Variants in GADL1 observed in about 807,000 individuals in gnomAD.
GADL1 encodes acidic amino acid decarboxylase GADL1.
In GADL1, 71 loss-of-function variants were observed where a neutral mutation model predicts 69.5. The observed-to-expected ratio is 1.02, with a 90% CI of 0.84 to 1.25. The LOEUF (loss-of-function observed/expected upper bound fraction) is 1.25, where lower values mean the gene tolerates loss of function less well. Ranked by LOEUF, GADL1 falls within the 50% of genes most tolerant of loss-of-function variation. GADL1 has a pLI of 0.00. For synonymous variants in GADL1, 254 were observed against 214.4 expected, an observed-to-expected ratio of 1.18 and a Z score of -1.62; for missense variants, 737 against 631.8, an observed-to-expected ratio of 1.17 and a Z score of -1.79.
intron 11 of GADL1, among the ~76,000 whole-genome samples, chr3:30,816,530 CTTTTTTTTTTTTTT>C (rs773530741): frequency 8.7e-3 from 469 of 53,938 alleles, no homozygotes; most frequent in Middle Eastern, 0.036. Flanking sequence ...AATTTGTTTT[CTTTTTTTTTTTTTT>C]TTTTTTTTTT....
At chr3:30,738,374 C>T (rs1464026696) in intron 14 of GADL1, among the ~76,000 whole-genome samples, 1 of 152,056 alleles carries the variant, frequency 6.6e-6, no homozygotes, top group Non-Finnish European at 1.5e-5. Flanking sequence ...ATAAATCTGC[C>T]CAAGGAAGAA....
chr3:30,739,315 T>C (rs1001788687), intron 14 of GADL1, among the ~76,000 whole-genome samples: 2 of 152,154 alleles, frequency 1.3e-5, no homozygotes, highest in Non-Finnish European at 2.9e-5. Context: ...GTATTCGCCA[T>C]CCTGCACCCT....
intron 14 of GADL1, among the ~76,000 whole-genome samples, chr3:30,766,713 A>G (rs1696290372): frequency 6.6e-6 from 1 of 152,180 alleles, no homozygotes; most frequent in Admixed American, 6.5e-5. Flanking sequence ...CCAAGTAAAG[A>G]CAGGAGAGAG....
intron 14 of GADL1, among the ~76,000 whole-genome samples, chr3:30,767,372 C>T (rs970581321): frequency 6.6e-6 from 1 of 151,842 alleles, no homozygotes; most frequent in Non-Finnish European, 1.5e-5. Context: ...GAGAACCTAT[C>T]GTAAAGGAAA....
rs755439249 is a variant in GADL1 at position 30,778,221 on chromosome 3, T to C, written c.1350A>G (p.Arg450=). The change falls in exon 14 of 15, where the codon AGA becomes AGG. Residue 450 remains arginine (R), a synonymous_variant. Coordinates refer to ENST00000282538, the MANE Select transcript of GADL1 (RefSeq NM_207359.3). ...ICFWYIPPSL[R]EMEEGPEFWA... is the part of the protein sequence containing the mutation. ...AGAACTCGGGTCCTTCTTCCATCTC[T>C]CTGAGGCTCGGTGGAATGTACCAAA... 22 of 1,612,892 alleles carry C rather than the reference T, an allele frequency of 1.4e-5. No individual in the cohort carries two copies. In the South Asian group the frequency reaches 2.3e-4, roughly 17 times the overall value.
chr3:30,834,009 T>A, intron 10 of GADL1, 75 bp from the exon 11 acceptor site: 2 of 1,040,008 alleles, frequency 1.9e-6, no homozygotes, highest in Non-Finnish European at 3.0e-6. Context: ...ACTATCATTA[T>A]CAATATCTGC....
intron 12 of GADL1, chr3:30,799,147 C>T (rs1341807645): frequency 1.3e-5 from 2 of 152,256 alleles, no homozygotes; most frequent in Non-Finnish European, 2.9e-5. Context: ...CCAGTAGGGA[C>T]TCTGTGTGGG....
intron 14 of GADL1, among the ~76,000 whole-genome samples, chr3:30,754,285 C>G (rs1559488281): frequency 6.6e-6 from 1 of 152,170 alleles, no homozygotes; most frequent in Non-Finnish European, 1.5e-5. Flanking sequence ...GAACCACATG[C>G]AAGCCTTTTG....
intron 14 of GADL1, among the ~76,000 whole-genome samples, chr3:30,761,130 C>T (rs562587728): frequency 2.6e-4 from 39 of 152,288 alleles, no homozygotes; most frequent in South Asian, 1.5e-3. Flanking sequence ...AGACCCTGGA[C>T]GTAAATCTTT....
At chr3:30,835,066 T>C (rs1434901413) in intron 9 of GADL1, among the ~76,000 whole-genome samples, 1 of 152,144 alleles carries the variant, frequency 6.6e-6, no homozygotes, top group Non-Finnish European at 1.5e-5. Flanking sequence ...TCCAAGTTGA[T>C]TTAAACCTTA....
At chr3:30,856,896 C>G (rs755305373) in intron 3 of GADL1, 119 bp downstream of exon 3, 74 of 783,842 alleles carry the variant, frequency 9.4e-5, no homozygotes, top group Non-Finnish European at 1.2e-4. Context: ...ATCAGAACTA[C>G]TAATTTTTTG....
rs146374744 is a variant in GADL1 at position 30,873,370 on chromosome 3, G to C, written c.38-11605C>G. ...ACTCTATTTTATAGATAAGAAAACT[G>C]AAGTTAGAGAAAGAGAATTGCCCAA... On this transcript the variant is annotated intron_variant, in intron 1 of 14. Transcript: ENST00000282538. Among the ~76,000 whole-genome samples the C allele has an allele frequency of 4.9e-4, 74 of 151,978 alleles. No homozygotes were observed. In the East Asian group the frequency reaches 0.014, roughly 28 times the overall value.
chr3:30,887,808 G>A (rs1462121195), intron 1 of GADL1, among the ~76,000 whole-genome samples: 2 of 152,120 alleles, frequency 1.3e-5, no homozygotes, highest in Non-Finnish European at 2.9e-5. Context: ...ACATATCATA[G>A]TTTCTAAATG....
chr3:30,761,209 A>AT (rs1696120733), intron 14 of GADL1, among the ~76,000 whole-genome samples: 1 of 152,214 alleles, frequency 6.6e-6, no homozygotes, highest in Non-Finnish European at 1.5e-5. Context: ...TTTCTATCAC[A>AT]TTATATATTG....
chr3:30,786,859 CTT>C (rs1265453419), intron 12 of GADL1, among the ~76,000 whole-genome samples: 3 of 152,162 alleles, frequency 2.0e-5, no homozygotes, highest in African/African-American at 4.8e-5. Flanking sequence ...TCAACATAAT[CTT>C]TTCTAAGTCC....
intron 11 of GADL1, among the ~76,000 whole-genome samples, 166 bp from the exon 12 acceptor site, chr3:30,801,254 AC>A (rs1204754068): frequency 2.0e-5 from 3 of 152,314 alleles, no homozygotes; most frequent in South Asian, 2.1e-4. Flanking sequence ...ACTTTCAGAT[AC>A]ACATTACCCA....
At chr3:30,782,090 A>G (rs1696678668) in intron 13 of GADL1, among the ~76,000 whole-genome samples, 2 of 152,214 alleles carry the variant, frequency 1.3e-5, no homozygotes, top group Non-Finnish European at 1.5e-5. Flanking sequence ...GACAGGGTGT[A>G]CTGAAGAGAG....
chr3:30,757,141 T>A (rs1411937077), intron 14 of GADL1, among the ~76,000 whole-genome samples: 1 of 151,990 alleles, frequency 6.6e-6, no homozygotes, highest in Non-Finnish European at 1.5e-5. Context: ...TAATTCAGAG[T>A]GCCATGTGAA....
intron 14 of GADL1, among the ~76,000 whole-genome samples, chr3:30,767,922 A>G (rs1430370126): frequency 6.6e-6 from 1 of 152,088 alleles, no homozygotes; most frequent in Non-Finnish European, 1.5e-5. Context: ...AATATGAAAA[A>G]AATGAATACA....
Sources: allele counts gnomAD v4.1 joint callset (sites outside exome capture counted in the v4.1 genomes callset), GRCh38; gene constraint gnomAD v4.1.1; transcripts MANE v1.5; gene names NCBI Gene and HGNC (gene_info 2026-07-23, HGNC 2026-07-21).